NLRC3: variants seen among roughly 807,000 people sequenced by gnomAD.
The protein encoded by NLRC3 is NLR family CARD domain containing 3, also known as NLR family CARD domain-containing protein 3.
A neutral mutation model predicts 91.6 loss-of-function variants in NLRC3; 87 were observed. The ratio of observed to expected loss-of-function variants is 0.95; its 90% confidence interval spans 0.80 to 1.14. The LOEUF is 1.14. NLRC3 is among the 50% of genes most tolerant of loss of function. The probability of loss-of-function intolerance (pLI) is 0.00; values close to 1 mark genes in which losing one functional copy is unlikely to be tolerated. For missense variants in NLRC3, 1,577 were observed against 1,418.6 expected, an observed-to-expected ratio of 1.11 and a Z score of -1.79; for synonymous variants, 694 against 625.3, an observed-to-expected ratio of 1.11 and a Z score of -1.64.
chr16:3,575,737 TCACCCGCCCAC>T (rs148400256), intron 1 of NLRC3, among the ~76,000 whole-genome samples: 3,827 of 152,240 alleles, frequency 0.025, 149 homozygotes, highest in African/African-American at 0.081. Flanking sequence ...CCTCTGCCCA[TCACCCGCCCAC>T]CTGATCTGTG....
At chr16:3,573,528 C>T (rs901237483) in intron 1 of NLRC3, among the ~76,000 whole-genome samples, 14 of 152,148 alleles carry the variant, frequency 9.2e-5, no homozygotes, top group Admixed American at 2.6e-4. Context: ...GGCCAGGATA[C>T]GGGGTCCTCT....
intron 17 of NLRC3, 103 bp downstream of exon 17, chr16:3,543,322 G>C: frequency 1.2e-6 from 1 of 805,424 alleles, no homozygotes; most frequent in South Asian, 1.5e-5. Context: ...AGATCACCAG[G>C]ATGATTTGTG....
Position 3,552,211 on chromosome 16 carries a change from C to T in NLRC3, c.2336G>A (p.Ser779Asn). 6.2e-7 allele frequency: 1 copy of T among 1,609,124 alleles called. No homozygotes were observed. The highest frequency in any genetic ancestry group is 8.5e-7 in the Non-Finnish European group (1 of 1,175,424). ...RMADALKQNR[S>N]LKELMFSSNS... is the part of the protein sequence containing the mutation. ...TATGTCTCACATGAGCTCTTTCAGA[C>T]TCCTGTTCTGCTTCAAGGCATCTGC... The change falls in exon 10 of 20, where the codon AGT becomes AAT. Residue 779 changes from serine to asparagine, a missense_variant. Transcript: ENST00000359128.
At chr16:3,553,244 A>G (rs2039105808) in intron 9 of NLRC3, among the ~76,000 whole-genome samples, 2 of 152,208 alleles carry the variant, frequency 1.3e-5, no homozygotes, top group South Asian at 4.1e-4. Flanking sequence ...ATGTATGTAA[A>G]TCTTTTTAAA....
intron 8 of NLRC3, chr16:3,555,728 A>C (rs2151092457): frequency 6.7e-6 from 1 of 149,342 alleles, no homozygotes; most frequent in African/African-American, 2.4e-5. Flanking sequence ...ATGCCTGGCT[A>C]ACTTTTTGTA....
chr16:3,560,169 C>T (rs984285717), intron 6 of NLRC3, among the ~76,000 whole-genome samples: 1 of 152,084 alleles, frequency 6.6e-6, no homozygotes, highest in Admixed American at 6.6e-5. Context: ...AATCCCAGCA[C>T]TTTGGGAGGC....
chr16:3,547,455 G>A (rs1396755600), intron 15 of NLRC3, among the ~76,000 whole-genome samples: 2 of 148,626 alleles, frequency 1.3e-5, no homozygotes, highest in South Asian at 2.1e-4. Context: ...TGATGGAAAT[G>A]TTGTAAAATT....
At position 3,554,271 on chromosome 16, in the gene NLRC3, C is replaced by G. The variant is rs768226564; in HGVS notation, c.2238G>C (p.Leu746Phe). 1 of 1,613,824 alleles carries G rather than the reference C, an allele frequency of 6.2e-7. No homozygotes were observed. Among genetic ancestry groups the G allele is most frequent in the East Asian group, 2.2e-5 (1 of 44,866 alleles). The change falls in exon 9 of 20, where the codon TTG becomes TTC. Residue 746 changes from leucine to phenylalanine, a missense_variant. Coordinates refer to ENST00000359128, the MANE Select transcript of NLRC3 (RefSeq NM_178844.4). ...DDGARSMAEA[L>F]ASNRTLSMLH... ...GCATGGAGAGGGTCCGGTTGGAGGC[C>G]AAGGCCTCAGCCATGGACCTGGCAC... is the stretch of plus-strand genomic sequence containing the variant.
chr16:3,566,454 G>T (rs1342164496), intron 2 of NLRC3, among the ~76,000 whole-genome samples: 1 of 152,132 alleles, frequency 6.6e-6, no homozygotes. Context: ...AGCCGGGGAG[G>T]GTGGCTCGCG....
chr16:3,543,597 G>A (rs567659197), intron 16 of NLRC3, 89 bp from the exon 17 acceptor site: 6 of 867,510 alleles, frequency 6.9e-6, no homozygotes, highest in South Asian at 1.4e-5. Flanking sequence ...CTTGACTCAG[G>A]ATGGAAAGTG....
intron 11 of NLRC3, 97 bp from the exon 12 acceptor site, chr16:3,549,877 G>C (rs1163620690): frequency 3.9e-6 from 3 of 764,888 alleles, no homozygotes; most frequent in Admixed American, 4.8e-5. Context: ...GCTCAACAGG[G>C]AGTTGGGGGC....
At chr16:3,568,897 G>A (rs956278443) in intron 1 of NLRC3, among the ~76,000 whole-genome samples, 6 of 151,998 alleles carry the variant, frequency 3.9e-5, no homozygotes, top group South Asian at 2.1e-4. Context: ...AGTTTTTGTC[G>A]TATGATGAAT....
At position 3,554,295 on chromosome 16, in the gene NLRC3, A is replaced by G. The variant is rs1428061563; in HGVS notation, c.2214T>C (p.Gly738=). The G allele has an allele frequency of 1.2e-6, 2 of 1,613,908 alleles. No homozygotes were observed. The highest frequency in any genetic ancestry group is 4.5e-5 in the East Asian group (2 of 44,880). The change falls in exon 9 of 20, where the codon GGT becomes GGC. Residue 738 remains glycine, a synonymous_variant. Transcript: ENST00000359128. ...SLQGNTVRDD[G]ARSMAEALAS... Reference sequence around the variant, plus strand: ...CCAAGGCCTCAGCCATGGACCTGGCACCATCATCCCTAACGGTGTTGCCCT... The same window carrying G: ...CCAAGGCCTCAGCCATGGACCTGGCGCCATCATCCCTAACGGTGTTGCCCT...
chr16:3,548,085 C>T (rs774592396), intron 15 of NLRC3, 50 bp downstream of exon 15: 19 of 1,300,088 alleles, frequency 1.5e-5, no homozygotes, highest in Non-Finnish European at 2.1e-5. Flanking sequence ...TTTCAGATTC[C>T]CCTGTCCTCA....
intron 5 of NLRC3, among the ~76,000 whole-genome samples, chr16:3,562,403 G>A (rs1425612579): frequency 6.6e-6 from 1 of 152,154 alleles, no homozygotes; most frequent in Non-Finnish European, 1.5e-5. Flanking sequence ...CAATTTGGGA[G>A]GCTGGGGTGG....
intron 19 of NLRC3, 133 bp from the exon 20 acceptor site, chr16:3,542,048 C>G: frequency 3.8e-6 from 3 of 794,876 alleles, no homozygotes. Context: ...ATGGACAAGG[C>G]TCAGGGTACC....
In NLRC3 at chr16:3,564,988, C is replaced by G. The variant is rs1388548019; in HGVS notation, c.49G>C (p.Gly17Arg). 1.9e-6 allele frequency: 3 copies of G among 1,610,612 alleles called. No homozygotes were observed. The highest frequency in any genetic ancestry group is 2.5e-6 in the Non-Finnish European group (3 of 1,179,746). Residue 17 changes from glycine (G) to arginine (R), a missense_variant, in exon 4 of 20, where the codon GGT becomes CGT. Gly to Arg is a moderately radical substitution (Grantham distance 125). Coordinates refer to ENST00000359128, the MANE Select transcript of NLRC3 (RefSeq NM_178844.4). The surrounding 1 kb of genome is among the most constrained non-coding windows in gnomAD (Gnocchi z 5.9). ...RTGREAGQGH[G>R]TGSPAEQVKA... ...ACCTGCTCGGCTGGGGAGCCCGTAC[C>G]GTGGCCCTGGCCGGCCTCCCTGCCC...
intron 7 of NLRC3, 83 bp downstream of exon 7, chr16:3,557,510 T>C (rs2039400237): frequency 2.5e-6 from 2 of 793,596 alleles, no homozygotes; most frequent in East Asian, 2.6e-5. Context: ...AGTCATTTCC[T>C]AGGAGGGAGG....
chr16:3,561,987 TGCAGAACG>T (rs2039635991), intron 5 of NLRC3, among the ~76,000 whole-genome samples, 199 bp from the exon 6 acceptor site: 1 of 152,132 alleles, frequency 6.6e-6, no homozygotes, highest in South Asian at 2.1e-4. Flanking sequence ...GCGGTTCCTG[TGCAGAACG>T]GCATCTTCCA....
Sources: allele counts gnomAD v4.1 joint callset (sites outside exome capture counted in the v4.1 genomes callset), GRCh38; gene constraint gnomAD v4.1.1; non-coding constraint Gnocchi (gnomAD v3.1); transcripts MANE v1.5; gene names NCBI Gene and HGNC (gene_info 2026-07-23, HGNC 2026-07-21).